Variants in SRGAP1 observed in about 807,000 individuals in gnomAD.
SRGAP1 encodes SLIT-ROBO Rho GTPase activating protein 1, also known as SLIT-ROBO Rho GTPase-activating protein 1.
In SRGAP1, 43 loss-of-function variants were observed where a neutral mutation model predicts 121.9. The ratio of observed to expected loss-of-function variants is 0.35; its 90% CI spans 0.28 to 0.46. The LOEUF (loss-of-function observed/expected upper bound fraction) is 0.46. Ranked by LOEUF, SRGAP1 falls within the 20% of genes least tolerant of loss-of-function variation. SRGAP1 has a pLI of 1.00. For missense variants in SRGAP1, 1,102 were observed against 1,350.9 expected, an observed-to-expected ratio of 0.82 and a Z score of 2.89; for synonymous variants, 447 against 485.4, an observed-to-expected ratio of 0.92 and a Z score of 1.04.
At chr12:64,080,460 G>A in intron 10 of SRGAP1, 90 bp downstream of exon 10, 1 of 1,124,308 alleles carries the variant, frequency 8.9e-7, no homozygotes, top group South Asian at 1.3e-5. Flanking sequence ...GTATATTTGT[G>A]CTTTAAGAAG....
At chr12:63,868,374 C>T (rs759158162) in intron 1 of SRGAP1, among the ~76,000 whole-genome samples, 5 of 151,988 alleles carry the variant, frequency 3.3e-5, no homozygotes, top group South Asian at 2.1e-4. Context: ...TGAGCCACCG[C>T]GCCTGGCTGT....
intron 1 of SRGAP1, among the ~76,000 whole-genome samples, chr12:63,966,981 T>C (rs1344845613): frequency 2.0e-5 from 3 of 152,270 alleles, no homozygotes; most frequent in East Asian, 1.9e-4. Context: ...GTCTCATAAG[T>C]TGCCTTATGT....
intron 1 of SRGAP1, among the ~76,000 whole-genome samples, chr12:63,847,759 T>C (rs562476119): frequency 1.1e-4 from 16 of 152,058 alleles, no homozygotes; most frequent in Admixed American, 1.0e-3. Flanking sequence ...AAAAACACAA[T>C]GAATAAACAT....
chr12:63,969,763 CA>C (rs113926157), intron 1 of SRGAP1, among the ~76,000 whole-genome samples: 4 of 151,246 alleles, frequency 2.6e-5, no homozygotes, highest in African/African-American at 9.7e-5. Context: ...CACTGCACTC[CA>C]GCCTGGGTGA....
rs566553634 is a variant in SRGAP1 at position 64,129,981 on chromosome 12, T to G, written c.2880+1781T>G. On this transcript the variant is annotated intron_variant, in intron 21 of 21. Transcript: ENST00000355086. ...AAGCACCTCAGCAGGTCGTGGTTGTTGTTGTTGTTGTTGTTGTTGTTGTTG... is the reference window on the plus strand; with the variant it reads ...AAGCACCTCAGCAGGTCGTGGTTGTGGTTGTTGTTGTTGTTGTTGTTGTTG... Among the ~76,000 whole-genome samples, 383 of 151,588 alleles carry G rather than the reference T, an allele frequency of 2.5e-3. 2 individuals are homozygous for G. The highest frequency in any genetic ancestry group is 0.014 in the South Asian group (69 of 4,768).
At chr12:64,135,330 G>A (rs901178886) in intron 21 of SRGAP1, among the ~76,000 whole-genome samples, 1 of 152,104 alleles carries the variant, frequency 6.6e-6, no homozygotes, top group African/African-American at 2.4e-5. Flanking sequence ...ATAAGAACTC[G>A]TGTCTGGTTC....
chr12:64,075,966 T>C (rs1342877679), intron 8 of SRGAP1, among the ~76,000 whole-genome samples: 1 of 151,696 alleles, frequency 6.6e-6, no homozygotes. Flanking sequence ...CCTGTAATGA[T>C]GGACTGGGTC....
At chr12:63,952,891 C>T (rs2136367993) in intron 1 of SRGAP1, among the ~76,000 whole-genome samples, 1 of 152,274 alleles carries the variant, frequency 6.6e-6, no homozygotes, top group Middle Eastern at 3.4e-3. Context: ...AGCAATCCTC[C>T]TGCCTCAGCC....
intron 8 of SRGAP1, among the ~76,000 whole-genome samples, chr12:64,074,975 TTG>T (rs2035707674): frequency 6.6e-6 from 1 of 152,034 alleles, no homozygotes; most frequent in Non-Finnish European, 1.5e-5. Context: ...TATCCTGATA[TTG>T]TGTTTGTCAT....
chr12:63,895,610 G>C (rs183068305), intron 1 of SRGAP1, among the ~76,000 whole-genome samples: 1 of 152,074 alleles, frequency 6.6e-6, no homozygotes, highest in Admixed American at 6.6e-5. Context: ...CCACATTCAC[G>C]ACTTGCCTTG....
At chr12:63,862,045 C>G (rs1253547310) in intron 1 of SRGAP1, among the ~76,000 whole-genome samples, 1 of 152,112 alleles carries the variant, frequency 6.6e-6, no homozygotes, top group Non-Finnish European at 1.5e-5. Flanking sequence ...TGCTTGAACC[C>G]AGGAGGAGGA....
intron 4 of SRGAP1, among the ~76,000 whole-genome samples, chr12:64,023,105 A>G (rs1432245904): frequency 6.6e-6 from 1 of 151,980 alleles, no homozygotes; most frequent in Non-Finnish European, 1.5e-5. Context: ...CAGCCTCACA[A>G]AGTAAATGCA....
chr12:63,956,720 CT>C lies in SRGAP1; in HGVS notation c.68-27207del, dbSNP rs3067620. On this transcript the variant is annotated intron_variant, in intron 1 of 21. Transcript: ENST00000355086. ...GCTTGTTGATGATCAGTAAGCAAGG[CT>C]TTTTTTTTTTTTTTTTTTTGCAGCA... 7.8e-3 allele frequency among the ~76,000 whole-genome samples: 755 copies of C among 96,958 alleles called. 1 individual carries two copies. The highest frequency in any genetic ancestry group is 0.022 in the East Asian group (67 of 3,028). 63.6% of individuals were successfully genotyped at this position (96,958 alleles called of 152,430 possible).
intron 1 of SRGAP1, among the ~76,000 whole-genome samples, chr12:63,956,166 GACTAATTTTGT>G (rs1161862355): frequency 6.6e-6 from 1 of 152,110 alleles, no homozygotes; most frequent in Non-Finnish European, 1.5e-5. Context: ...CTCCATGCCT[GACTAATTTTGT>G]ACTTTTCTGT....
chr12:63,850,169 T>C (rs1899029116), intron 1 of SRGAP1, among the ~76,000 whole-genome samples: 1 of 152,230 alleles, frequency 6.6e-6, no homozygotes, highest in African/African-American at 2.4e-5. Flanking sequence ...CTGATTGCGC[T>C]ACTGCAACAA....
intron 1 of SRGAP1, among the ~76,000 whole-genome samples, chr12:63,876,749 A>C (rs1016188386): frequency 3.3e-5 from 5 of 152,220 alleles, no homozygotes; most frequent in African/African-American, 1.2e-4. Context: ...TCAGTCACCA[A>C]CTAGATCATT....
At position 64,152,948 on chromosome 12, in the gene SRGAP1, G is replaced by A. The variant is rs1405586946; in HGVS notation, c.*10276G>A. On this transcript the variant is annotated 3_prime_UTR_variant, in exon 22 of 22. Coordinates refer to ENST00000355086, the MANE Select transcript of SRGAP1 (RefSeq NM_020762.4). ...AAAAAAAAAAAAAACCACTACATAA[G>A]CCAACAGCTAAACCGGCAAAATAAT... The A allele has an allele frequency of 9.5e-5, 13 of 137,238 alleles. No individual in the cohort carries two copies. The highest frequency in any genetic ancestry group is 3.1e-5 in the Non-Finnish European group (2 of 64,562). 8.5% of individuals were successfully genotyped at this position (137,238 alleles called of 1,614,324 possible).
rs1318434986 is a variant in SRGAP1, at chr12:64,160,938, T to G, written c.*18266T>G. ...CCGAACATTCCAAAGCCATTCTAAT[T>G]CTGTTACTTTGTATGTTCTTTTTTT... On this transcript the variant is annotated 3_prime_UTR_variant, in exon 22 of 22. Coordinates refer to ENST00000355086, the MANE Select transcript of SRGAP1 (RefSeq NM_020762.4). 1 of 152,208 alleles carries G rather than the reference T, an allele frequency of 6.6e-6. No individual in the cohort carries two copies. The highest frequency in any genetic ancestry group is 1.5e-5 in the Non-Finnish European group (1 of 68,032). The allele number at this position is 152,208 out of a possible 1,614,324, so 9.4% of individuals were successfully genotyped here.
rs368774290 is a variant in SRGAP1 at position 63,940,148 on chromosome 12, G to C, written c.68-43799G>C. On this transcript the variant is annotated intron_variant, in intron 1 of 21. Transcript: ENST00000355086. ...GGCTAATTTTTGTATTTTTAGTAGA[G>C]ATGGGGTTTCACCATGTTGGCCAGG... 8.0e-4 allele frequency among the ~76,000 whole-genome samples: 122 copies of C among 152,016 alleles called. 1 individual carries two copies. Among genetic ancestry groups the C allele is most frequent in the African/African-American group, 2.8e-3 (115 of 41,460 alleles).
Sources: gnomAD v4.1 joint callset for allele counts (sites outside exome capture counted in the v4.1 genomes callset) on GRCh38, gnomAD v4.1.1 for gene constraint, MANE v1.5 for transcripts, NCBI Gene and HGNC (gene_info 2026-07-23, HGNC 2026-07-21) for gene names.